MAGI1: variants seen among roughly 807,000 people sequenced by gnomAD.
MAGI1 encodes membrane associated guanylate kinase, WW and PDZ domain containing 1.
Under a neutral mutation model 139.9 loss-of-function variants are expected in MAGI1, and 58 were observed. That is an observed-to-expected ratio of 0.41 (90% confidence interval 0.34 to 0.52). MAGI1 has a LOEUF of 0.52. Among genes scored for constraint, MAGI1 ranks in the 20% least tolerant of loss-of-function variants. The pLI is 0.12. For synonymous variants in MAGI1, 812 were observed against 737.9 expected (o/e 1.10, Z -1.63); for missense variants, 1,874 against 1,901.6 (o/e 0.99, Z 0.27).
intron 12 of MAGI1, among the ~76,000 whole-genome samples, chr3:65,412,241 C>A (rs1945852295): frequency 6.6e-6 from 1 of 152,172 alleles, no homozygotes; most frequent in South Asian, 2.1e-4. Context: ...TCTCTGGCTG[C>A]TCCCTCTGCC....
At chr3:65,654,996 C>T (rs954619848) in intron 1 of MAGI1, among the ~76,000 whole-genome samples, 16 of 152,170 alleles carry the variant, frequency 1.1e-4, no homozygotes, top group African/African-American at 3.9e-4. Flanking sequence ...CTTGCCATTA[C>T]CCAATTTATT....
chr3:65,951,033 AAGGAAAGG>A (rs2063832808), intron 1 of MAGI1, among the ~76,000 whole-genome samples: 2 of 51,352 alleles, frequency 3.9e-5, no homozygotes, highest in African/African-American at 9.8e-5. Flanking sequence ...GGAAGGAAGG[AAGGAAAGG>A]AGGGAGGGAG....
intron 1 of MAGI1, among the ~76,000 whole-genome samples, chr3:65,666,826 C>T (rs1031864396): frequency 6.6e-6 from 1 of 152,188 alleles, no homozygotes. Flanking sequence ...ACGGAGACAG[C>T]TTTGGACTCT....
chr3:65,987,668 C>G (rs1378952713), intron 1 of MAGI1, among the ~76,000 whole-genome samples: 1 of 152,244 alleles, frequency 6.6e-6, no homozygotes, highest in East Asian at 1.9e-4. Flanking sequence ...GATCCCCACA[C>G]ACTGCAACCT....
chr3:65,972,326 CCAG>C (rs2065052006), intron 1 of MAGI1, among the ~76,000 whole-genome samples: 2 of 152,156 alleles, frequency 1.3e-5, no homozygotes, highest in African/African-American at 4.8e-5. Flanking sequence ...TAGAAAATGT[CCAG>C]CAGAAGAAAT....
rs141026903 is a variant in MAGI1 at position 65,990,175 on chromosome 3, G to A, written c.313+47821C>T. On this transcript the variant is annotated intron_variant, in intron 1 of 22. Transcript: ENST00000402939. ...AGTGAGATTAACGTGAGGCAGGGGA[G>A]GGAAAGAAAGAGGTAATACAAGTCA... is the stretch of plus-strand genomic sequence containing the variant. Among the ~76,000 whole-genome samples the A allele has an allele frequency of 2.5e-3, 385 of 152,206 alleles. 3 individuals carry two copies. Among genetic ancestry groups the A allele is most frequent in the African/African-American group, 8.5e-3 (354 of 41,544 alleles).
At chr3:65,602,420 C>G (rs932889226) in intron 2 of MAGI1, among the ~76,000 whole-genome samples, 5 of 152,054 alleles carry the variant, frequency 3.3e-5, no homozygotes, top group Non-Finnish European at 5.9e-5. Flanking sequence ...AAACATCACG[C>G]TGAGTAAAAG....
At chr3:65,929,912 A>C (rs2062715054) in intron 1 of MAGI1, among the ~76,000 whole-genome samples, 2 of 152,162 alleles carry the variant, frequency 1.3e-5, no homozygotes, top group African/African-American at 4.8e-5. Context: ...AGAGTTATGA[A>C]ACTTTGGGCA....
chr3:65,515,188 T>C (rs947142561), intron 2 of MAGI1, among the ~76,000 whole-genome samples: 9 of 139,442 alleles, frequency 6.5e-5, no homozygotes, highest in African/African-American at 1.3e-4. Context: ...AGGGATAGCA[T>C]TGGGAGATAT....
intron 1 of MAGI1, among the ~76,000 whole-genome samples, chr3:65,994,341 T>C (rs1209606068): frequency 6.6e-6 from 1 of 150,798 alleles, no homozygotes; most frequent in Non-Finnish European, 1.5e-5. Flanking sequence ...GATGCAATGC[T>C]CTAGAACACA....
chr3:65,606,506 GTTTA>G (rs978491924), intron 2 of MAGI1, among the ~76,000 whole-genome samples: 16 of 150,012 alleles, frequency 1.1e-4, no homozygotes, highest in Admixed American at 7.3e-4. Flanking sequence ...ACACCCGGAT[GTTTA>G]TTTATTTATT....
intron 12 of MAGI1, among the ~76,000 whole-genome samples, chr3:65,403,407 T>C (rs956828972): frequency 1.3e-5 from 2 of 152,226 alleles, no homozygotes; most frequent in Non-Finnish European, 2.9e-5. Flanking sequence ...ACAATTTTGA[T>C]ATGTCTTTAT....
chr3:65,679,961 C>T (rs1159267375), intron 1 of MAGI1, among the ~76,000 whole-genome samples: 1 of 152,166 alleles, frequency 6.6e-6, no homozygotes, highest in East Asian at 1.9e-4. Context: ...GGCCAAATAA[C>T]TCGTATTTCA....
At chr3:65,719,963 T>A (rs961908409) in intron 1 of MAGI1, 10 of 152,218 alleles carry the variant, frequency 6.6e-5, no homozygotes, top group Non-Finnish European at 2.9e-5. Context: ...TTATTTAACC[T>A]TCCTTAAGAG....
chr3:65,601,323 C>A (rs1388948660), intron 2 of MAGI1, among the ~76,000 whole-genome samples: 3 of 151,886 alleles, frequency 2.0e-5, no homozygotes. Context: ...ATAACACAGG[C>A]CACATTCACT....
chr3:65,543,928 A>C (rs2079376550), intron 2 of MAGI1, among the ~76,000 whole-genome samples: 1 of 152,170 alleles, frequency 6.6e-6, no homozygotes. Context: ...GAAGATGTTT[A>C]TCACAGCTAT....
Position 65,725,062 on chromosome 3 carries a change from C to T in MAGI1, c.314-102974G>A, listed in dbSNP as rs961068787. ...TCTCTATTTCATTTTTAAATCACAA[C>T]ACCCAGGATTTGAGTCAAAAAAACT... On this transcript the variant is annotated intron_variant, in intron 1 of 22. Coordinates refer to ENST00000402939, the MANE Select transcript of MAGI1 (RefSeq NM_001033057.2). Among the ~76,000 whole-genome samples, 3 of 152,144 alleles carry T rather than the reference C, an allele frequency of 2.0e-5. No individual in the cohort carries two copies. The South Asian group carries it at 6.2e-4, about 32-fold the overall frequency.
intron 2 of MAGI1, among the ~76,000 whole-genome samples, chr3:65,586,463 G>T (rs2081684061): frequency 6.6e-6 from 1 of 152,164 alleles, no homozygotes; most frequent in African/African-American, 2.4e-5. Flanking sequence ...TAGTTTGAAT[G>T]AAGTGGTAGT....
intron 1 of MAGI1, among the ~76,000 whole-genome samples, chr3:65,641,241 T>C (rs978930873): frequency 6.6e-6 from 1 of 152,176 alleles, no homozygotes; most frequent in Non-Finnish European, 1.5e-5. Context: ...TGGAATGTTC[T>C]AACGACAAGG....
Sources: gnomAD v4.1 joint callset for allele counts (sites outside exome capture counted in the v4.1 genomes callset) on GRCh38, gnomAD v4.1.1 for gene constraint, MANE v1.5 for transcripts, NCBI Gene and HGNC (gene_info 2026-07-23, HGNC 2026-07-21) for gene names.